Variants in TENM1 observed in about 807,000 individuals in gnomAD.
TENM1 encodes the protein teneurin transmembrane protein 1.
TENM1 carries 35 observed loss-of-function variants against 174.8 expected under a neutral mutation model. That is an observed-to-expected ratio of 0.20 (90% confidence interval 0.15 to 0.27). The LOEUF (loss-of-function observed/expected upper bound fraction) is 0.27, where lower values mean the gene tolerates loss of function less well. TENM1 is among the 10% of genes least tolerant of loss of function. TENM1 has a pLI of 1.00. For missense variants in TENM1, 1,633 were observed against 2,130.1 expected (o/e 0.77, Z 4.59); for synonymous variants, 781 against 798.7 (o/e 0.98, Z 0.37).
the TENM1 span, among the ~76,000 whole-genome samples, chrX:124,980,385 C>T: frequency 6.1e-3 from 678 of 110,756 alleles, 2 homozygotes; most frequent in Non-Finnish European, 9.5e-3. Context: ...GGTTAACTCA[C>T]GATAAACCCA....
intron 19 of TENM1, among the ~76,000 whole-genome samples, chrX:124,499,750 A>C (rs1312669862): frequency 3.6e-5 from 4 of 112,013 alleles, no homozygotes; most frequent in Non-Finnish European, 7.5e-5. Flanking sequence ...ACATCATTGA[A>C]GAGAAATCTC....
chrX:124,517,952 T>C (rs1602583325), intron 18 of TENM1, among the ~76,000 whole-genome samples: 1 of 111,249 alleles, frequency 9.0e-6, no homozygotes, highest in South Asian at 3.8e-4. Context: ...TTAGAGGCTT[T>C]GAGTATGATT....
chrX:125,109,842 G>A, the TENM1 span, among the ~76,000 whole-genome samples: 2 of 111,298 alleles, frequency 1.8e-5, no homozygotes, highest in Admixed American at 9.6e-5. Flanking sequence ...GGAAATAGTC[G>A]GGCTCAGATT....
the TENM1 span, among the ~76,000 whole-genome samples, chrX:125,185,066 TATAG>T: frequency 0.074 from 8,256 of 111,161 alleles, 758 homozygotes; most frequent in African/African-American, 0.26. Flanking sequence ...ATTGGACATA[TATAG>T]ATAGATAGAT....
the TENM1 span, among the ~76,000 whole-genome samples, chrX:125,164,943 C>T: frequency 1.8e-5 from 2 of 111,277 alleles, no homozygotes; most frequent in African/African-American, 6.5e-5. Context: ...CAACTTCTAC[C>T]AAAAAGGTGT....
the TENM1 span, among the ~76,000 whole-genome samples, chrX:125,022,754 T>C: frequency 1.8e-5 from 2 of 111,654 alleles, no homozygotes; most frequent in African/African-American, 3.3e-5. Flanking sequence ...CCCCCTGAGG[T>C]ATGAGCTGTT....
intron 4 of TENM1, among the ~76,000 whole-genome samples, chrX:124,728,463 C>T (rs2053491764): frequency 9.0e-6 from 1 of 111,632 alleles, no homozygotes; most frequent in African/African-American, 3.3e-5. Flanking sequence ...TGACTATGCA[C>T]AATTTTGATT....
the TENM1 span, among the ~76,000 whole-genome samples, chrX:125,050,433 T>C: frequency 1.8e-4 from 20 of 110,065 alleles, no homozygotes; most frequent in African/African-American, 4.6e-4. Context: ...GTCCTTGCAA[T>C]AGTTTGCTGA....
chrX:124,673,557 A>T (rs377717496), intron 5 of TENM1, among the ~76,000 whole-genome samples: 1 of 111,975 alleles, frequency 8.9e-6, no homozygotes, highest in East Asian at 2.8e-4. Context: ...CAAATAAATC[A>T]ATTGGGATGG....
At chrX:124,751,508 T>A (rs2054066926) in intron 3 of TENM1, among the ~76,000 whole-genome samples, 1 of 110,872 alleles carries the variant, frequency 9.0e-6, no homozygotes, top group African/African-American at 3.3e-5. Flanking sequence ...ATTATTATTA[T>A]ACTTTAAGTT....
rs149195216 is a variant in TENM1 at position 124,588,988 on chromosome X, G to T, written c.2078-23428C>A. On this transcript the variant is annotated intron_variant, in intron 11 of 31. Transcript: ENST00000422452. ...CCTTGTCTTGTTACAGTCCTCAAGG[G>T]GAATGCTTCCAGTTTTTGCCTGTTC... Among the ~76,000 whole-genome samples, 64 of 110,880 alleles carry T rather than the reference G, an allele frequency of 5.8e-4. No homozygotes were observed. The East Asian group carries it at 0.013, about 23-fold the overall frequency.
chrX:124,412,566 A>C (rs2060548899), intron 25 of TENM1, among the ~76,000 whole-genome samples: 1 of 112,460 alleles, frequency 8.9e-6, no homozygotes, highest in African/African-American at 3.2e-5. Flanking sequence ...AAAGAGTCAG[A>C]CCCTCTTTAC....
intron 11 of TENM1, among the ~76,000 whole-genome samples, chrX:124,581,032 G>A (rs186505828): frequency 4.7e-5 from 5 of 106,191 alleles, no homozygotes; most frequent in African/African-American, 1.7e-4. Context: ...AGTTCCATCC[G>A]TGTGGCTACA....
At chrX:124,914,080 T>C (rs935911439) in intron 1 of TENM1, among the ~76,000 whole-genome samples, 2 of 111,971 alleles carry the variant, frequency 1.8e-5, no homozygotes, top group African/African-American at 6.5e-5. Flanking sequence ...AAAATTCAAA[T>C]CCAATTTTGT....
chrX:124,947,147 T>C (rs1363469611), intron 1 of TENM1, among the ~76,000 whole-genome samples: 4 of 111,760 alleles, frequency 3.6e-5, no homozygotes, highest in African/African-American at 1.3e-4. Flanking sequence ...CCCTTGGCCA[T>C]GGCATACACT....
intron 14 of TENM1, among the ~76,000 whole-genome samples, chrX:124,551,205 G>A (rs189394798): frequency 8.9e-6 from 1 of 111,912 alleles, no homozygotes; most frequent in African/African-American, 3.2e-5. Context: ...ATGAGATTGG[G>A]TGCACTCAGG....
At chrX:125,176,130 T>C in the TENM1 span, among the ~76,000 whole-genome samples, 10 of 112,004 alleles carry the variant, frequency 8.9e-5, no homozygotes, top group Non-Finnish European at 1.5e-4. Context: ...TTCTGTTTTC[T>C]ATGTCATCAC....
chrX:124,443,070 G>C, intron 23 of TENM1, among the ~76,000 whole-genome samples: 1 of 72,604 alleles, frequency 1.4e-5, no homozygotes, highest in South Asian at 9.6e-4. Flanking sequence ...GTGTGTGTGT[G>C]TGTGTGTGTG....
At chrX:124,929,483 G>A (rs1277961749) in intron 1 of TENM1, among the ~76,000 whole-genome samples, 1 of 112,006 alleles carries the variant, frequency 8.9e-6, no homozygotes, top group Non-Finnish European at 1.9e-5. Context: ...CAGAGGCTGC[G>A]AAAATTCTAC....
Sources: gnomAD v4.1 joint callset for allele counts (sites outside exome capture counted in the v4.1 genomes callset) on GRCh38, gnomAD v4.1.1 for gene constraint, MANE v1.5 for transcripts, NCBI Gene and HGNC (gene_info 2026-07-23, HGNC 2026-07-21) for gene names.